The following KCTD1 variants were observed in gnomAD, a reference collection of about 807,000 sequenced individuals.
The protein encoded by KCTD1 is BTB/POZ domain-containing protein KCTD1.
A neutral mutation model predicts 66.0 loss-of-function variants in KCTD1; 24 were observed. The observed-to-expected ratio is 0.36, with a 90% CI of 0.26 to 0.51. The LOEUF (loss-of-function observed/expected upper bound fraction) is 0.51. Among genes scored for constraint, KCTD1 ranks in the 20% least tolerant of loss-of-function variants. The pLI is 0.95. For synonymous variants in KCTD1, 511 were observed against 517.2 expected (o/e 0.99, Z 0.16); for missense variants, 943 against 1,205.2 (o/e 0.78, Z 3.22).
chr18:26,464,816 G>C (rs1980633064), intron 3 of KCTD1, among the ~76,000 whole-genome samples: 1 of 152,182 alleles, frequency 6.6e-6, no homozygotes, highest in African/African-American at 2.4e-5. Context: ...TTCCCTAGCA[G>C]GCAGGGCACC....
At chr18:26,636,513 G>A (rs1011224167) in intron 1 of KCTD1, among the ~76,000 whole-genome samples, 1 of 152,160 alleles carries the variant, frequency 6.6e-6, no homozygotes, top group Non-Finnish European at 1.5e-5. Context: ...CCTGAGTCCC[G>A]ACCGAAACTC....
At chr18:26,627,585 C>T (rs556110546) in intron 1 of KCTD1, among the ~76,000 whole-genome samples, 2 of 152,178 alleles carry the variant, frequency 1.3e-5, no homozygotes, top group African/African-American at 2.4e-5. Flanking sequence ...CCTGGGTCCT[C>T]TAAGGAAATG....
chr18:26,649,110 G>C (rs752748872), intron 1 of KCTD1, among the ~76,000 whole-genome samples: 3 of 152,148 alleles, frequency 2.0e-5, no homozygotes, highest in African/African-American at 7.2e-5. Flanking sequence ...GTCATTTCAC[G>C]ACCCCACATG....
intron 1 of KCTD1, among the ~76,000 whole-genome samples, chr18:26,538,542 C>T (rs1030501886): frequency 2.0e-5 from 3 of 152,072 alleles, no homozygotes; most frequent in Non-Finnish European, 2.9e-5. Context: ...AACAGAGGGG[C>T]CCCCGGTGCA....
chr18:26,498,838 G>T (rs1032477752), intron 2 of KCTD1, among the ~76,000 whole-genome samples: 6 of 152,096 alleles, frequency 3.9e-5, no homozygotes, highest in African/African-American at 1.4e-4. Flanking sequence ...ATCTCCAAAT[G>T]GGACACTATT....
chr18:26,463,258 C>A (rs545262164), intron 3 of KCTD1, among the ~76,000 whole-genome samples: 2 of 152,170 alleles, frequency 1.3e-5, no homozygotes, highest in South Asian at 4.2e-4. Flanking sequence ...GAGTTCAAGA[C>A]CAGCCTGGGC....
intron 1 of KCTD1, among the ~76,000 whole-genome samples, chr18:26,553,608 C>G (rs1346440937): frequency 6.6e-6 from 1 of 152,150 alleles, no homozygotes; most frequent in African/African-American, 2.4e-5. Context: ...ACTAGCCACC[C>G]TTTTCTATGG....
chr18:26,519,317 G>A (rs535162947), intron 1 of KCTD1, among the ~76,000 whole-genome samples: 106 of 152,260 alleles, frequency 7.0e-4, no homozygotes, highest in African/African-American at 2.4e-3. Context: ...AATCTCCATG[G>A]CAAATATGCA....
intron 1 of KCTD1, among the ~76,000 whole-genome samples, chr18:26,518,586 G>T (rs1438378877): frequency 6.6e-6 from 1 of 152,020 alleles, no homozygotes. Context: ...TTTCATGAAG[G>T]TTTTCAAAAG....
intron 1 of KCTD1, among the ~76,000 whole-genome samples, chr18:26,531,690 TGTC>T (rs1321472423): frequency 6.6e-6 from 1 of 152,188 alleles, no homozygotes; most frequent in Non-Finnish European, 1.5e-5. Flanking sequence ...AGATTCTAAA[TGTC>T]ACCTGACCAG....
chr18:26,589,109 G>A (rs1986538263), intron 1 of KCTD1, among the ~76,000 whole-genome samples: 1 of 152,292 alleles, frequency 6.6e-6, no homozygotes, highest in South Asian at 2.1e-4. Context: ...CCTGCATGAG[G>A]CGACCTCATA....
upstream of KCTD1, chr18:26,548,613 A>T: frequency 8.5e-7 from 1 of 1,176,896 alleles, no homozygotes; most frequent in African/African-American, 1.6e-5. Context: ...TTTTGTGTTT[A>T]ATGACCTTCA....
intron 1 of KCTD1, among the ~76,000 whole-genome samples, chr18:26,656,038 TA>T (rs1222030987): frequency 6.6e-6 from 1 of 150,794 alleles, no homozygotes; most frequent in Non-Finnish European, 1.5e-5. Context: ...CGGGAGTGGG[TA>T]GGGGGGCGGC....
intron 3 of KCTD1, among the ~76,000 whole-genome samples, chr18:26,473,518 T>C (rs981695007): frequency 5.3e-5 from 8 of 151,774 alleles, no homozygotes; most frequent in African/African-American, 1.7e-4. Flanking sequence ...CGTTTACCTA[T>C]GTAACAAACC....
rs1000380914 is a variant in KCTD1 at position 26,483,813 on chromosome 18, A to T, written c.1989-7154T>A. On this transcript the variant is annotated intron_variant, in intron 2 of 4. Coordinates refer to ENST00000580059, the MANE Select transcript of KCTD1 (RefSeq NM_001142730.3). The stretch of plus-strand genomic sequence containing the variant: ...AGAGCTGACACCGCACGTGCAACCT[A>T]AACTCAGGACAGCAGGAAGGGAAGG... Among the ~76,000 whole-genome samples, 7 of 147,792 alleles carry T rather than the reference A, an allele frequency of 4.7e-5. No individual in the cohort carries two copies. The Admixed American group carries it at 4.8e-4, about 10-fold the overall frequency.
rs1257927791 is a variant in KCTD1 at position 26,455,491 on chromosome 18, T to A, written c.*252A>T. ...ACCAACTGCGGCTGTCACCTTTTTT[T>A]TTTTTCTTTTTTGCATTTCCTACCT... On this transcript the variant is annotated 3_prime_UTR_variant, in exon 5 of 5. Transcript: ENST00000580059. The A allele has an allele frequency of 2.8e-5, 6 of 213,202 alleles. No individual in the cohort carries two copies. The highest frequency in any genetic ancestry group is 7.0e-5 in the African/African-American group (3 of 42,764). The allele number at this position is 213,202 out of a possible 1,614,324, so 13.2% of individuals were successfully genotyped here.
At chr18:26,657,220 C>T (rs1449586755) in intron 1 of KCTD1, 3 of 598,094 alleles carry the variant, frequency 5.0e-6, no homozygotes, top group Non-Finnish European at 6.3e-6. Flanking sequence ...TCCTAGTCGC[C>T]CGCCGCGGCG....
intron 1 of KCTD1, among the ~76,000 whole-genome samples, chr18:26,529,313 G>A (rs1034850820): frequency 6.6e-6 from 1 of 152,126 alleles, no homozygotes; most frequent in South Asian, 2.1e-4. Flanking sequence ...CCTATAAGAT[G>A]AGGCTTGAAA....
chr18:26,554,746 C>T (rs944362943), intron 1 of KCTD1, among the ~76,000 whole-genome samples: 2 of 152,158 alleles, frequency 1.3e-5, no homozygotes, highest in African/African-American at 4.8e-5. Context: ...ACCTAATAAT[C>T]ACCTACTTGT....
Sources: gnomAD v4.1 joint callset for allele counts (sites outside exome capture counted in the v4.1 genomes callset) on GRCh38, gnomAD v4.1.1 for gene constraint, MANE v1.5 for transcripts, NCBI Gene and HGNC (gene_info 2026-07-23, HGNC 2026-07-21) for gene names.